The following ENOX2 variants were observed in gnomAD, a reference collection of about 807,000 sequenced individuals.
The protein encoded by ENOX2 is APK1 antigen.
In ENOX2, 36 loss-of-function variants were observed where a neutral mutation model predicts 45.0. The observed-to-expected ratio is 0.80, with a 90% confidence interval of 0.61 to 1.06. The LOEUF is 1.06. Ranked by LOEUF, ENOX2 falls within the 50% of genes least tolerant of loss-of-function variation. The pLI, the probability that ENOX2 is intolerant of heterozygous loss-of-function variation, is 0.00. For missense variants in ENOX2, 423 were observed against 462.5 expected (o/e 0.91, Z 0.78); for synonymous variants, 174 against 152.3 (o/e 1.14, Z -1.05).
chrX:130,876,717 C>G (rs2078709799), intron 2 of ENOX2, among the ~76,000 whole-genome samples: 1 of 111,418 alleles, frequency 9.0e-6, no homozygotes. Flanking sequence ...GGCATAGCAG[C>G]AAGGGGAAGT....
At chrX:130,799,671 C>G (rs772007788) in intron 2 of ENOX2, among the ~76,000 whole-genome samples, 7 of 110,812 alleles carry the variant, frequency 6.3e-5, no homozygotes, top group African/African-American at 2.0e-4. Context: ...ATGTGATCTG[C>G]CAGCTCTGAA....
intron 9 of ENOX2, among the ~76,000 whole-genome samples, chrX:130,658,056 T>C (rs2036591446): frequency 8.9e-6 from 1 of 111,965 alleles, no homozygotes. Flanking sequence ...CCAAGGATTC[T>C]TTTGCCTGGA....
intron 2 of ENOX2, among the ~76,000 whole-genome samples, chrX:130,877,913 C>T (rs1444883445): frequency 1.8e-5 from 2 of 111,947 alleles, no homozygotes; most frequent in African/African-American, 6.5e-5. Flanking sequence ...TAGGTGCTAG[C>T]TAAGTAGTGC....
At chrX:130,639,917 T>C (rs2036033328) in intron 10 of ENOX2, among the ~76,000 whole-genome samples, 1 of 112,162 alleles carries the variant, frequency 8.9e-6, no homozygotes, top group African/African-American at 3.2e-5. Flanking sequence ...TTAACTGCTA[T>C]AACCAAATAC....
Position 130,631,489 on chromosome X carries a change from C to T in ENOX2, c.1507G>A (p.Glu503Lys), listed in dbSNP as rs1227829555. 1 of 1,189,764 alleles carries T rather than the reference C, an allele frequency of 8.4e-7. No individual in the cohort carries two copies. The highest frequency in any genetic ancestry group is 1.1e-6 in the Non-Finnish European group (1 of 876,909). ...KTMNSSPIKS[E>K]REALLVGIIS... ...TTACCCACTAGCAGTGCTTCACGTT[C>T]AGATTTGATAGGACTGCTGTTCATG... Residue 503 changes from glutamate to lysine, a missense_variant, in exon 13 of 15, where the codon GAA becomes AAA. Coordinates refer to ENST00000394363, the MANE Select transcript of ENOX2 (RefSeq NM_006375.4).
intron 2 of ENOX2, among the ~76,000 whole-genome samples, chrX:130,823,240 G>A (rs1261867909): frequency 9.0e-6 from 1 of 111,673 alleles, no homozygotes; most frequent in African/African-American, 3.3e-5. Context: ...AAATAAATGG[G>A]ACAATGAAAA....
intron 2 of ENOX2, among the ~76,000 whole-genome samples, chrX:130,832,927 C>T (rs1041158576): frequency 2.7e-5 from 3 of 109,242 alleles, no homozygotes; most frequent in Admixed American, 9.9e-5. Flanking sequence ...CTAAATATAA[C>T]TCCCTAACTG....
intron 2 of ENOX2, among the ~76,000 whole-genome samples, chrX:130,834,322 C>CGA (rs2077890064): frequency 8.9e-6 from 1 of 111,734 alleles, no homozygotes; most frequent in Non-Finnish European, 1.9e-5. Flanking sequence ...CCATCTCTTT[C>CGA]AGATCCTGTT....
chrX:130,702,917 T>C (rs186759511), intron 4 of ENOX2, among the ~76,000 whole-genome samples: 38 of 112,223 alleles, frequency 3.4e-4, no homozygotes, highest in African/African-American at 1.2e-3. Flanking sequence ...GCATTGGATA[T>C]ACACCCAGCA....
chrX:130,889,834 T>C (rs995487652), intron 2 of ENOX2, among the ~76,000 whole-genome samples: 1 of 112,485 alleles, frequency 8.9e-6, no homozygotes, highest in African/African-American at 3.2e-5. Flanking sequence ...CACTTTCCTC[T>C]GCCATTCAGA....
intron 2 of ENOX2, among the ~76,000 whole-genome samples, chrX:130,896,582 G>A (rs982790123): frequency 6.3e-5 from 7 of 111,722 alleles, no homozygotes; most frequent in East Asian, 2.8e-4. Flanking sequence ...AGTGCCTAAC[G>A]GAGTGCTTTC....
At chrX:130,810,468 A>G (rs2077372677) in intron 2 of ENOX2, among the ~76,000 whole-genome samples, 1 of 111,427 alleles carries the variant, frequency 9.0e-6, no homozygotes, top group African/African-American at 3.3e-5. Context: ...CATCAGGCCA[A>G]CACTCCTGGA....
chrX:130,760,502 G>C (rs913397770), intron 3 of ENOX2, among the ~76,000 whole-genome samples: 2 of 110,363 alleles, frequency 1.8e-5, no homozygotes, highest in African/African-American at 6.6e-5. Flanking sequence ...CTATCAAATT[G>C]AGGAAGTGGC....
At chrX:130,776,545 C>T (rs1188259878) in intron 3 of ENOX2, among the ~76,000 whole-genome samples, 10 of 110,951 alleles carry the variant, frequency 9.0e-5, no homozygotes, top group African/African-American at 3.3e-4. Context: ...TTGAGTTCTG[C>T]CATGAGTAAA....
At chrX:130,847,993 T>G (rs2078140674) in intron 2 of ENOX2, among the ~76,000 whole-genome samples, 1 of 112,120 alleles carries the variant, frequency 8.9e-6, no homozygotes, top group Non-Finnish European at 1.9e-5. Context: ...AAACTGGTCT[T>G]GGTTTCTCCA....
In ENOX2 at chrX:130,786,530, T is replaced by A. The variant is rs2076971388; in HGVS notation, c.-182-2840A>T. 4.4e-5 allele frequency among the ~76,000 whole-genome samples: 4 copies of A among 91,177 alleles called. No individual in the cohort carries two copies. The South Asian group carries it at 2.6e-3, about 59-fold the overall frequency. The allele number at this position is 91,177 out of a possible 115,157, so 79.2% of individuals were successfully genotyped here. On this transcript the variant is annotated intron_variant, in intron 2 of 14. Transcript: ENST00000394363. ...AACGTGTCATCTAGCATTAGGTATATCTCCCAATGCTATCCCTCCCCCCTC... is the reference window on the plus strand; with the variant it reads ...AACGTGTCATCTAGCATTAGGTATAACTCCCAATGCTATCCCTCCCCCCTC...
chrX:130,859,300 C>A (rs1326053059), intron 2 of ENOX2, among the ~76,000 whole-genome samples: 1 of 111,450 alleles, frequency 9.0e-6, no homozygotes, highest in East Asian at 2.8e-4. Flanking sequence ...CCATTGCACT[C>A]CAGCCTGGGT....
chrX:130,788,591 T>C (rs991885018), intron 2 of ENOX2, among the ~76,000 whole-genome samples: 1 of 111,700 alleles, frequency 9.0e-6, no homozygotes, highest in Admixed American at 9.5e-5. Context: ...AATGAAGACA[T>C]AGGATGTATA....
At chrX:130,700,732 T>A (rs1167714157) in intron 4 of ENOX2, among the ~76,000 whole-genome samples, 1 of 111,905 alleles carries the variant, frequency 8.9e-6, no homozygotes, top group East Asian at 2.8e-4. Flanking sequence ...GTGTGCTAAG[T>A]ATATTATTTA....
Sources: gnomAD v4.1 joint callset for allele counts (sites outside exome capture counted in the v4.1 genomes callset) on GRCh38, gnomAD v4.1.1 for gene constraint, MANE v1.5 for transcripts, NCBI Gene and HGNC (gene_info 2026-07-23, HGNC 2026-07-21) for gene names.